Variants in RSF1 observed in about 807,000 individuals in gnomAD.
RSF1 encodes the protein HBV pX-associated protein 8.
A neutral mutation model predicts 145.2 loss-of-function variants in RSF1; 13 were observed. The ratio of observed to expected loss-of-function variants is 0.09; its 90% CI spans 0.06 to 0.14. The LOEUF is 0.14. RSF1 is among the 10% of genes least tolerant of loss of function. The pLI, the probability that RSF1 is intolerant of heterozygous loss-of-function variation, is 1.00. For missense variants in RSF1, 1,517 were observed against 1,718.2 expected (o/e 0.88, Z 2.07); for synonymous variants, 577 against 592.6 (o/e 0.97, Z 0.38).
At position 77,684,429 on chromosome 11, in the gene RSF1, C is replaced by G. The variant is rs141054526; in HGVS notation, c.2956-610G>C. Among the ~76,000 whole-genome samples the G allele has an allele frequency of 1.4e-3, 211 of 152,202 alleles. 3 individuals carry two copies. In the East Asian group the frequency reaches 0.029, roughly 21 times the overall value. On this transcript the variant is annotated intron_variant, in intron 10 of 15. Coordinates refer to ENST00000308488, the MANE Select transcript of RSF1 (RefSeq NM_016578.4). ...AATACAAACTGAAGTTTTCAACAAT[C>G]CCCAAAATAAAAATTAAAAATCAAA...
Position 77,764,651 on chromosome 11 carries a change from T to G in RSF1, c.226A>C (p.Arg76=). 1 of 1,609,784 alleles carries G rather than the reference T, an allele frequency of 6.2e-7. No homozygotes were observed. The highest frequency in any genetic ancestry group is 8.5e-7 in the Non-Finnish European group (1 of 1,177,726). The change falls in exon 2 of 16, where the codon AGG becomes CGG. Residue 76 remains arginine, a synonymous_variant. Coordinates refer to ENST00000308488, the MANE Select transcript of RSF1 (RefSeq NM_016578.4). ...GCAGTAACAGATTTGCCAATTTTCC[T>G]CATCAGCTTCAAATGGAGCTCCACC... is the stretch of plus-strand genomic sequence containing the variant. ...ELVELHLKLM[R]KIGKSVTADR... is the part of the protein sequence containing the mutation.
intron 1 of RSF1, among the ~76,000 whole-genome samples, chr11:77,817,939 G>T (rs982167797): frequency 3.7e-4 from 56 of 152,148 alleles, no homozygotes; most frequent in African/African-American, 1.4e-3. Context: ...TGATATCATG[G>T]TTCATCATCA....
intron 3 of RSF1, among the ~76,000 whole-genome samples, chr11:77,742,615 G>T (rs1231472852): frequency 6.6e-6 from 1 of 152,136 alleles, no homozygotes; most frequent in African/African-American, 2.4e-5. Flanking sequence ...TACCAAACTT[G>T]TTATCTCTTG....
chr11:77,840,865 GTTC>G, the RSF1 span, among the ~76,000 whole-genome samples: 3 of 152,194 alleles, frequency 2.0e-5, no homozygotes, highest in African/African-American at 7.2e-5. Flanking sequence ...CCTGAAAGTT[GTTC>G]TTCTGTTTAT....
At chr11:77,860,918 T>C in the RSF1 span, among the ~76,000 whole-genome samples, 22 of 152,164 alleles carry the variant, frequency 1.4e-4, no homozygotes, top group African/African-American at 5.1e-4. Flanking sequence ...GTTCACTGTC[T>C]GTTGGGTTTC....
intron 4 of RSF1, among the ~76,000 whole-genome samples, chr11:77,729,909 A>AAAAAAAAAAG (rs1961159430): frequency 6.7e-6 from 1 of 149,008 alleles, no homozygotes; most frequent in Admixed American, 6.7e-5. Flanking sequence ...AAAAAAAAAA[A>AAAAAAAAAAG]AAAAAAAAAA....
At chr11:77,707,812 C>T (rs760462725) in intron 5 of RSF1, among the ~76,000 whole-genome samples, 6 of 152,126 alleles carry the variant, frequency 3.9e-5, no homozygotes, top group Non-Finnish European at 8.8e-5. Flanking sequence ...TTTTCAAAGA[C>T]AGTGAAACTA....
At chr11:77,776,582 A>G (rs893231420) in intron 1 of RSF1, among the ~76,000 whole-genome samples, 4 of 152,224 alleles carry the variant, frequency 2.6e-5, no homozygotes, top group African/African-American at 9.6e-5. Context: ...GAAAATGTAT[A>G]TGATGTACTT....
At chr11:77,819,345 G>A (rs1190658839) in intron 1 of RSF1, among the ~76,000 whole-genome samples, 1 of 152,256 alleles carries the variant, frequency 6.6e-6, no homozygotes, top group East Asian at 1.9e-4. Context: ...GGAAAGAAAA[G>A]TGCCAGAAAA....
rs372833052 is a variant in RSF1, at chr11:77,676,745, G to C, written c.3341+47C>G. The C allele has an allele frequency of 1.9e-6, 3 of 1,558,642 alleles. No individual in the cohort carries two copies. In the African/African-American group the frequency reaches 4.1e-5, roughly 21 times the overall value. ...CAAGCCTCTCTGCTAGCCCAGTCCT[G>C]TTCCTGCTGGTATCTAGGGATCGGG... On this transcript the variant is annotated intron_variant, in intron 13 of 15. Transcript: ENST00000308488.
chr11:77,716,894 C>G (rs1367195791), intron 5 of RSF1, among the ~76,000 whole-genome samples: 1 of 151,880 alleles, frequency 6.6e-6, no homozygotes, highest in Non-Finnish European at 1.5e-5. Context: ...AAATTTAAAC[C>G]CAGCCAGGCA....
Position 77,820,560 on chromosome 11 carries a change from T to C in RSF1, c.155A>G (p.Gln52Arg). 1 of 1,552,118 alleles carries C rather than the reference T, an allele frequency of 6.4e-7. No individual in the cohort carries two copies. Among genetic ancestry groups the C allele is most frequent in the Admixed American group, 2.0e-5 (1 of 51,128 alleles). The change falls in exon 1 of 16, where the codon CAG (glutamine) becomes CGG (arginine). Residue 52 changes from glutamine (Q) to arginine (R), a missense_variant. Transcript: ENST00000308488. ...GTTGCCGACGTCCGGCGGCGGCGCC[T>C]GCAGCACCCGCTCCAGCTCAGGGAA... ...LPFPELERVL[Q>R]APPPDVGNGE...
chr11:77,762,365 A>G (rs961596805), intron 2 of RSF1: 5 of 152,126 alleles, frequency 3.3e-5, no homozygotes, highest in African/African-American at 1.2e-4. Flanking sequence ...AATTATCAAT[A>G]GTTGTTGATT....
the RSF1 span, among the ~76,000 whole-genome samples, chr11:77,837,799 A>G: frequency 6.6e-6 from 1 of 152,176 alleles, no homozygotes; most frequent in Admixed American, 6.6e-5. Context: ...GCTCATGCCT[A>G]TAATGCAAGC....
At chr11:77,757,376 C>A (rs1248548068) in intron 2 of RSF1, among the ~76,000 whole-genome samples, 2 of 152,102 alleles carry the variant, frequency 1.3e-5, no homozygotes, top group East Asian at 1.9e-4. Flanking sequence ...GCTCTGGAGG[C>A]ACTAACAGCA....
intron 5 of RSF1, among the ~76,000 whole-genome samples, chr11:77,715,705 C>T (rs921531993): frequency 1.8e-4 from 28 of 152,240 alleles, no homozygotes; most frequent in African/African-American, 6.5e-4. Flanking sequence ...GCCTCAGCCT[C>T]CCAAAGTGTT....
upstream of RSF1, chr11:77,821,060 G>C: frequency 2.0e-6 from 1 of 490,830 alleles, no homozygotes; most frequent in Non-Finnish European, 3.6e-6. Flanking sequence ...GGAGGGGCGG[G>C]ACTTCTCGAG....
chr11:77,848,973 T>G, the RSF1 span, among the ~76,000 whole-genome samples: 2 of 151,912 alleles, frequency 1.3e-5, no homozygotes, highest in African/African-American at 2.4e-5. Context: ...TTTTATTTTT[T>G]GTAGAGACAG....
chr11:77,818,231 T>C (rs1948800737), intron 1 of RSF1, among the ~76,000 whole-genome samples: 1 of 152,168 alleles, frequency 6.6e-6, no homozygotes, highest in African/African-American at 2.4e-5. Flanking sequence ...GTGATATTAA[T>C]ATAAACTAAA....
Sources: allele counts gnomAD v4.1 joint callset (sites outside exome capture counted in the v4.1 genomes callset), GRCh38; gene constraint gnomAD v4.1.1; transcripts MANE v1.5; gene names NCBI Gene and HGNC (gene_info 2026-07-23, HGNC 2026-07-21).